ZNF516: variants seen among roughly 807,000 people sequenced by gnomAD.
ZNF516 encodes the protein zinc finger protein 516.
A neutral mutation model predicts 79.7 loss-of-function variants in ZNF516; 19 were observed. The observed-to-expected ratio is 0.24, with a 90% CI of 0.17 to 0.35. ZNF516 has a LOEUF of 0.35. Among genes scored for constraint, ZNF516 ranks in the 10% least tolerant of loss-of-function variants. ZNF516 has a pLI of 1.00. For missense variants in ZNF516, 1,678 were observed against 1,679.5 expected, an observed-to-expected ratio of 1.00 and a Z score of 0.02; for synonymous variants, 877 against 739.5, an observed-to-expected ratio of 1.19 and a Z score of -3.02.
chr18:76,382,379 G>A (rs543379592), intron 3 of ZNF516, among the ~76,000 whole-genome samples: 3 of 152,308 alleles, frequency 2.0e-5, no homozygotes, highest in African/African-American at 7.2e-5. Context: ...GCAACATCCA[G>A]CAGGGAGAGA....
rs111600866 is a variant in ZNF516, at chr18:76,425,181, GAAAA to G, written c.1810+16060_1810+16063del. ...TTATACACCCATCTCTCAAAAAAAA[GAAAA>G]AAAAAAAGTGAGAGATCGCTTTGCA... On this transcript the variant is annotated intron_variant, in intron 3 of 6. Coordinates refer to ENST00000443185, the MANE Select transcript of ZNF516 (RefSeq NM_014643.4). Among the ~76,000 whole-genome samples the G allele has an allele frequency of 2.1e-5, 3 of 144,662 alleles. No homozygotes were observed. In the South Asian group the frequency reaches 6.5e-4, roughly 31 times the overall value. 94.9% of individuals were successfully genotyped at this position (144,662 alleles called of 152,430 possible).
chr18:76,475,212 C>T (rs1160068190), intron 1 of ZNF516, among the ~76,000 whole-genome samples: 1 of 152,220 alleles, frequency 6.6e-6, no homozygotes. Context: ...TGAATAACTT[C>T]ACTGGATAAT....
chr18:76,404,851 ATG>A (rs2075283570), intron 3 of ZNF516, among the ~76,000 whole-genome samples: 2 of 152,160 alleles, frequency 1.3e-5, no homozygotes, highest in Non-Finnish European at 2.9e-5. Context: ...AACTGTGTGC[ATG>A]TGTGAGCATC....
chr18:76,386,058 C>T (rs1025258400), intron 3 of ZNF516: 1 of 152,190 alleles, frequency 6.6e-6, no homozygotes, highest in African/African-American at 2.4e-5. Flanking sequence ...TCATTTCTGC[C>T]CCTCTATATT....
intron 1 of ZNF516, chr18:76,490,739 ATGTG>A (rs1915128727): frequency 1.0e-6 from 1 of 983,492 alleles, no homozygotes; most frequent in South Asian, 4.7e-5. Flanking sequence ...TTTCTGCTGT[ATGTG>A]TAAGTAGGAT....
At chr18:76,495,723 G>C, upstream of ZNF516, 1 of 1,182,794 alleles carries the variant, frequency 8.5e-7, no homozygotes, top group Non-Finnish European at 1.1e-6. Flanking sequence ...GGGTCCCGCC[G>C]GCGGGTACCT....
intron 1 of ZNF516, among the ~76,000 whole-genome samples, chr18:76,491,487 T>C (rs1664483860): frequency 7.7e-6 from 1 of 129,468 alleles, no homozygotes; most frequent in Non-Finnish European, 1.7e-5. Context: ...TGTGGGTCCG[T>C]CTCTTTCACT....
At chr18:76,455,262 T>TCACG (rs1197221958) in intron 2 of ZNF516, among the ~76,000 whole-genome samples, 24 of 152,336 alleles carry the variant, frequency 1.6e-4, no homozygotes, top group Admixed American at 5.9e-4. Flanking sequence ...GTCAGAACAG[T>TCACG]CACGGGTTTA....
chr18:76,403,035 G>GCC (rs1302376418), intron 3 of ZNF516, among the ~76,000 whole-genome samples: 2 of 152,242 alleles, frequency 1.3e-5, no homozygotes, highest in African/African-American at 2.4e-5. Context: ...TGAGCCACCT[G>GCC]CCTGCCACCA....
chr18:76,407,028 G>A (rs1190814446), intron 3 of ZNF516, among the ~76,000 whole-genome samples: 1 of 152,188 alleles, frequency 6.6e-6, no homozygotes, highest in African/African-American at 2.4e-5. Flanking sequence ...ACAGAATCCA[G>A]GTTCTCTCGT....
intron 1 of ZNF516, among the ~76,000 whole-genome samples, chr18:76,475,255 TA>T (rs1315460747): frequency 1.3e-5 from 2 of 152,224 alleles, no homozygotes; most frequent in African/African-American, 4.8e-5. Context: ...ACAAGAGAGA[TA>T]AAATGAGCAA....
intron 1 of ZNF516, among the ~76,000 whole-genome samples, chr18:76,465,431 G>A (rs1183996353): frequency 6.6e-6 from 1 of 152,212 alleles, no homozygotes; most frequent in African/African-American, 2.4e-5. Flanking sequence ...TTTGGGCCAA[G>A]GGGGCCAATC....
At chr18:76,429,904 A>T (rs761842474) in intron 3 of ZNF516, among the ~76,000 whole-genome samples, 9 of 152,208 alleles carry the variant, frequency 5.9e-5, no homozygotes, top group Non-Finnish European at 1.3e-4. Context: ...GTTTCAAAAC[A>T]ACATCAAGAA....
chr18:76,482,865 A>G (rs1373338300), intron 1 of ZNF516, among the ~76,000 whole-genome samples: 1 of 152,232 alleles, frequency 6.6e-6, no homozygotes, highest in Non-Finnish European at 1.5e-5. Context: ...AAGTCCATAA[A>G]TGACTACACT....
chr18:76,441,965 G>T lies in ZNF516; in HGVS notation c.1090C>A (p.Arg364Ser). 6.2e-7 allele frequency: 1 copy of T among 1,612,454 alleles called. No individual in the cohort carries two copies. The highest frequency in any genetic ancestry group is 8.5e-7 in the Non-Finnish European group (1 of 1,179,684). ...CCCTCCTCGGCCGGGGCGCGCGTGCGGCTGGCCTCGACTCTGCGGTGGATG... is the reference window on the plus strand; with the variant it reads ...CCCTCCTCGGCCGGGGCGCGCGTGCTGCTGGCCTCGACTCTGCGGTGGATG... The part of the protein sequence containing the change: ...NAIHRRVEAS[R>S]TRAPAEEGAE... The change falls in exon 3 of 7, where the codon CGC becomes AGC. Residue 364 changes from arginine to serine, a missense_variant. Coordinates refer to ENST00000443185, the MANE Select transcript of ZNF516 (RefSeq NM_014643.4).
At chr18:76,474,519 A>G (rs1464979738) in intron 1 of ZNF516, among the ~76,000 whole-genome samples, 2 of 152,254 alleles carry the variant, frequency 1.3e-5, no homozygotes, top group East Asian at 3.8e-4. Flanking sequence ...GTGAAACTGC[A>G]AACTCTCTTC....
chr18:76,441,325 G>C lies in ZNF516; in HGVS notation c.1730C>G (p.Ala577Gly), dbSNP rs1198066055. 3.1e-6 allele frequency: 5 copies of C among 1,611,664 alleles called. No homozygotes were observed. In the African/African-American group the frequency reaches 6.7e-5, roughly 22 times the overall value. Residue 577 changes from alanine to glycine, a missense_variant, in exon 3 of 7, where the codon GCT becomes GGT. Coordinates refer to ENST00000443185, the MANE Select transcript of ZNF516 (RefSeq NM_014643.4). ...CAGGCCAGAGCCCGGGGAGTCAGCA[G>C]CGGCACAGGCGGAGCCAGGGCTGCT... ...QPSSPGSACA[A>G]ADSPGSGLAD...
chr18:76,469,877 AAC>A (rs1467387751), intron 1 of ZNF516, among the ~76,000 whole-genome samples: 1 of 152,248 alleles, frequency 6.6e-6, no homozygotes, highest in Non-Finnish European at 1.5e-5. Context: ...CACAATAAAA[AAC>A]ACAAAACAAA....
chr18:76,398,409 C>G (rs1276091552), intron 3 of ZNF516, among the ~76,000 whole-genome samples: 1 of 152,214 alleles, frequency 6.6e-6, no homozygotes, highest in African/African-American at 2.4e-5. Context: ...AATTAGCTAA[C>G]ACGAATCTTT....
Sources: allele counts gnomAD v4.1 joint callset (sites outside exome capture counted in the v4.1 genomes callset), GRCh38; gene constraint gnomAD v4.1.1; transcripts MANE v1.5; gene names NCBI Gene and HGNC (gene_info 2026-07-23, HGNC 2026-07-21).